PPM1E: variants seen among roughly 807,000 people sequenced by gnomAD.
PPM1E encodes the protein protein phosphatase, Mg2+/Mn2+ dependent 1E.
PPM1E carries 20 observed loss-of-function variants against 65.9 expected under a neutral mutation model. The observed-to-expected ratio is 0.30, with a 90% confidence interval of 0.21 to 0.44. The LOEUF is 0.44. Ranked by LOEUF, PPM1E falls within the 20% of genes least tolerant of loss-of-function variation. The pLI, the probability that PPM1E is intolerant of heterozygous loss-of-function variation, is 1.00. For missense variants in PPM1E, 713 were observed against 953.1 expected (o/e 0.75, Z 3.32); for synonymous variants, 352 against 374.9 (o/e 0.94, Z 0.70).
intron 1 of PPM1E, among the ~76,000 whole-genome samples, chr17:58,881,248 G>T (rs1031205519): frequency 2.0e-5 from 3 of 152,168 alleles, no homozygotes; most frequent in Non-Finnish European, 2.9e-5. Flanking sequence ...AATACAGAAG[G>T]CTGGGCGCAG....
At chr17:58,794,534 A>G (rs1479628348) in intron 1 of PPM1E, among the ~76,000 whole-genome samples, 2 of 152,158 alleles carry the variant, frequency 1.3e-5, no homozygotes, top group Admixed American at 6.5e-5. Context: ...AGTACCCAAT[A>G]GGTAGTTTTT....
At chr17:58,880,068 G>A (rs1169597991) in intron 1 of PPM1E, among the ~76,000 whole-genome samples, 1 of 152,132 alleles carries the variant, frequency 6.6e-6, no homozygotes, top group African/African-American at 2.4e-5. Context: ...ATACTGAATT[G>A]GACAAAAAAG....
intron 1 of PPM1E, among the ~76,000 whole-genome samples, chr17:58,931,813 A>C (rs2051903508): frequency 6.6e-6 from 1 of 152,174 alleles, no homozygotes; most frequent in Non-Finnish European, 1.5e-5. Flanking sequence ...CAGAAAATAT[A>C]ATTTCCCTGA....
intron 1 of PPM1E, among the ~76,000 whole-genome samples, chr17:58,816,774 ATATATATATATATATATATATTTTT>A (rs1224123866): frequency 2.2e-3 from 30 of 13,838 alleles, no homozygotes; most frequent in Non-Finnish European, 3.9e-3. Context: ...ATATATATAT[ATATATATATATATATATATATTTTT>A]TTTTTTTTTT....
intron 1 of PPM1E, among the ~76,000 whole-genome samples, chr17:58,909,927 T>TC (rs1460807256): frequency 7.7e-6 from 1 of 129,902 alleles, no homozygotes; most frequent in Non-Finnish European, 1.6e-5. Context: ...TCTTTTTCTT[T>TC]TTTTTTTTTT....
At chr17:58,967,504 GTATATA>G (rs892635358) in intron 3 of PPM1E, among the ~76,000 whole-genome samples, 2 of 148,496 alleles carry the variant, frequency 1.3e-5, no homozygotes, top group African/African-American at 4.9e-5. Flanking sequence ...ATATATATGT[GTATATA>G]TATATATATA....
At position 58,825,379 on chromosome 17, in the gene PPM1E, C is replaced by T. The variant is rs78399833; in HGVS notation, c.464+68918C>T. ...GAGCCCAGGAGTTTGAGACCAGCCT[C>T]GGCAATATTAGTGAGACTGTCTCTA... On this transcript the variant is annotated intron_variant, in intron 1 of 6. Coordinates refer to ENST00000308249, the MANE Select transcript of PPM1E (RefSeq NM_014906.5). Among the ~76,000 whole-genome samples the T allele has an allele frequency of 5.2e-3, 791 of 151,710 alleles. 16 individuals are homozygous for T. The East Asian group carries it at 0.073, about 14-fold the overall frequency.
At chr17:58,884,952 A>G (rs1458125072) in intron 1 of PPM1E, among the ~76,000 whole-genome samples, 1 of 152,032 alleles carries the variant, frequency 6.6e-6, no homozygotes, top group Non-Finnish European at 1.5e-5. Context: ...CCTTAGATTT[A>G]TCCTTGAAGT....
At chr17:58,930,819 A>G (rs1422972722) in intron 1 of PPM1E, among the ~76,000 whole-genome samples, 1 of 152,192 alleles carries the variant, frequency 6.6e-6, no homozygotes, top group African/African-American at 2.4e-5. Flanking sequence ...AGCCAATGTA[A>G]GATGTAGAAC....
chr17:58,774,164 C>CG (rs1477782058), intron 1 of PPM1E, among the ~76,000 whole-genome samples: 2 of 150,834 alleles, frequency 1.3e-5, no homozygotes, highest in Admixed American at 6.7e-5. Context: ...CTCTGTCCCC[C>CG]CCCCCCAAAA....
At chr17:58,814,668 T>G (rs75040295) in intron 1 of PPM1E, among the ~76,000 whole-genome samples, 1 of 152,096 alleles carries the variant, frequency 6.6e-6, no homozygotes, top group African/African-American at 2.4e-5. Flanking sequence ...GTTGACAATG[T>G]TTTTTTTCTG....
chr17:58,824,375 A>C (rs1216636824), intron 1 of PPM1E, among the ~76,000 whole-genome samples: 2 of 152,220 alleles, frequency 1.3e-5, no homozygotes, highest in Admixed American at 1.3e-4. Context: ...ATCAACTGCT[A>C]CACTGCTGCA....
intron 1 of PPM1E, among the ~76,000 whole-genome samples, chr17:58,822,697 G>C (rs1319891840): frequency 1.3e-5 from 2 of 152,214 alleles, no homozygotes; most frequent in Non-Finnish European, 2.9e-5. Flanking sequence ...AAGATGTAAA[G>C]ATGAGGATTT....
intron 1 of PPM1E, among the ~76,000 whole-genome samples, chr17:58,831,038 C>G (rs2050601079): frequency 1.4e-5 from 2 of 139,656 alleles, no homozygotes; most frequent in Admixed American, 1.5e-4. Flanking sequence ...GAGATGGAGT[C>G]TCACTCTAAT....
chr17:58,809,174 C>G (rs757407932), intron 1 of PPM1E, among the ~76,000 whole-genome samples: 2 of 152,050 alleles, frequency 1.3e-5, no homozygotes, highest in Non-Finnish European at 2.9e-5. Context: ...CTTACTGCAG[C>G]CTTGAATTTC....
At chr17:58,853,614 G>T (rs1319152041) in intron 1 of PPM1E, among the ~76,000 whole-genome samples, 1 of 152,128 alleles carries the variant, frequency 6.6e-6, no homozygotes, top group Non-Finnish European at 1.5e-5. Flanking sequence ...GATCACCTGA[G>T]GTCAGAGGTT....
chr17:58,825,072 G>T (rs2050520102), intron 1 of PPM1E, among the ~76,000 whole-genome samples: 1 of 151,926 alleles, frequency 6.6e-6, no homozygotes, highest in Non-Finnish European at 1.5e-5. Flanking sequence ...ATGGAGCAGT[G>T]TATACTGCTC....
intron 1 of PPM1E, among the ~76,000 whole-genome samples, chr17:58,931,181 G>A (rs2051892679): frequency 6.6e-6 from 1 of 151,930 alleles, no homozygotes; most frequent in Non-Finnish European, 1.5e-5. Context: ...GAGGTCGGGA[G>A]TTCGAGACCA....
intron 1 of PPM1E, among the ~76,000 whole-genome samples, chr17:58,896,818 G>C (rs1207573219): frequency 6.6e-6 from 1 of 152,186 alleles, no homozygotes; most frequent in Non-Finnish European, 1.5e-5. Context: ...ATTGAAAGAA[G>C]ATGCTATCTG....
Sources: allele counts gnomAD v4.1 joint callset (sites outside exome capture counted in the v4.1 genomes callset), GRCh38; gene constraint gnomAD v4.1.1; transcripts MANE v1.5; gene names NCBI Gene and HGNC (gene_info 2026-07-23, HGNC 2026-07-21).